ATG10: variants seen among roughly 807,000 people sequenced by gnomAD.
ATG10 encodes the protein autophagy related 10.
ATG10 carries 30 observed loss-of-function variants against 32.1 expected under a neutral mutation model. The ratio of observed to expected loss-of-function variants is 0.94; its 90% CI spans 0.70 to 1.27. The LOEUF is 1.27. ATG10 is among the 50% of genes most tolerant of loss of function. The pLI, the probability that ATG10 is intolerant of heterozygous loss-of-function variation, is 0.00. For missense variants in ATG10, 233 were observed against 262.3 expected (o/e 0.89, Z 0.77); for synonymous variants, 87 against 91.5 (o/e 0.95, Z 0.28).
chr5:82,182,937 G>T (rs1171664689), intron 5 of ATG10, among the ~76,000 whole-genome samples: 1 of 151,888 alleles, frequency 6.6e-6, no homozygotes, highest in Non-Finnish European at 1.5e-5. Context: ...AGAGATGGGG[G>T]TCTTACTATG....
At chr5:82,243,420 A>G (rs1471748035) in intron 5 of ATG10, among the ~76,000 whole-genome samples, 1 of 152,218 alleles carries the variant, frequency 6.6e-6, no homozygotes, top group Non-Finnish European at 1.5e-5. Flanking sequence ...AAATCCGTCT[A>G]TGTTCTTTTT....
At chr5:82,116,694 C>A (rs772545847) in intron 3 of ATG10, among the ~76,000 whole-genome samples, 3 of 152,184 alleles carry the variant, frequency 2.0e-5, no homozygotes, top group African/African-American at 7.2e-5. Flanking sequence ...CATCTGGCTA[C>A]GCCTCCCGAA....
rs140107167 is a variant in ATG10 at position 82,156,895 on chromosome 5, G to A, written c.217-7504G>A. Among the ~76,000 whole-genome samples the A allele has an allele frequency of 4.7e-3, 715 of 152,308 alleles. 4 individuals are homozygous for A. Among genetic ancestry groups the A allele is most frequent in the African/African-American group, 0.014 (564 of 41,568 alleles). Reference sequence around the variant, plus strand: ...GTGTTTTGTAGCATGGACTCTAAGAGATAGCCTCTTCCACAGTTCCACCTT... The same window carrying A: ...GTGTTTTGTAGCATGGACTCTAAGAAATAGCCTCTTCCACAGTTCCACCTT... On this transcript the variant is annotated intron_variant, in intron 3 of 7. Transcript: ENST00000282185.
intron 3 of ATG10, among the ~76,000 whole-genome samples, chr5:82,123,764 CA>C (rs1178883742): frequency 1.1e-3 from 60 of 56,782 alleles, no homozygotes; most frequent in Admixed American, 4.9e-3. Flanking sequence ...ACTGTCTGTA[CA>C]AAAAAAAAAA....
chr5:82,205,970 T>C (rs1581801822), intron 5 of ATG10, among the ~76,000 whole-genome samples: 1 of 152,150 alleles, frequency 6.6e-6, no homozygotes, highest in East Asian at 1.9e-4. Flanking sequence ...GAAAGAGAGC[T>C]ATAGAAAAAG....
intron 3 of ATG10, among the ~76,000 whole-genome samples, chr5:82,146,635 A>G (rs1232495945): frequency 1.3e-5 from 2 of 148,674 alleles, no homozygotes; most frequent in Admixed American, 1.3e-4. Flanking sequence ...TCTTATCTTC[A>G]GATTGGACGA....
intron 3 of ATG10, among the ~76,000 whole-genome samples, chr5:82,142,636 A>T (rs1767199973): frequency 6.6e-6 from 1 of 152,196 alleles, no homozygotes; most frequent in African/African-American, 2.4e-5. Context: ...CTGCATTGTC[A>T]TGTGCTAGAA....
intron 4 of ATG10, among the ~76,000 whole-genome samples, chr5:82,173,027 A>G (rs1325147049): frequency 1.3e-5 from 2 of 152,196 alleles, no homozygotes; most frequent in African/African-American, 2.4e-5. Flanking sequence ...GTTGAAGACA[A>G]TATATTGAAT....
chr5:82,021,538 A>T lies in ATG10; in HGVS notation c.108+33860A>T, dbSNP rs572840864. ...AATTGTTATACTGTATTGTTTAGGGAATAATGACAAGAAAAAAAGTCTGTA... is the reference window on the plus strand; with the variant it reads ...AATTGTTATACTGTATTGTTTAGGGTATAATGACAAGAAAAAAAGTCTGTA... On this transcript the variant is annotated intron_variant, in intron 2 of 7. Coordinates refer to ENST00000282185, the MANE Select transcript of ATG10 (RefSeq NM_031482.5). Among the ~76,000 whole-genome samples the T allele has an allele frequency of 2.2e-3, 341 of 152,350 alleles. 1 individual carries two copies. The highest frequency in any genetic ancestry group is 7.9e-3 in the African/African-American group (329 of 41,580).
At chr5:82,248,769 G>C (rs978274294) in intron 5 of ATG10, among the ~76,000 whole-genome samples, 3 of 151,912 alleles carry the variant, frequency 2.0e-5, no homozygotes, top group Admixed American at 6.6e-5. Flanking sequence ...AAGCTGATCA[G>C]CATATTATAG....
rs1747407154 is a variant in ATG10 at position 82,254,902 on chromosome 5, GTGTGTGTGTGTGTGTGTGTA to G, written c.*846_*865del. 1.2e-5 allele frequency: 1 copy of G among 85,436 alleles called. No homozygotes were observed. The highest frequency in any genetic ancestry group is 2.7e-4 in the South Asian group (1 of 3,674). 5.3% of individuals were successfully genotyped at this position (85,436 alleles called of 1,614,324 possible). A position where few individuals can be genotyped will look rare whatever the true frequency, so the allele number is the denominator to read the frequency against. ...AGAGAGAGAGAGAGTGAGTGTGAGT[GTGTGTGTGTGTGTGTGTGTA>G]TGTGTGGGTGTTTGTGTAGATAGTT... is the stretch of plus-strand genomic sequence containing the variant. On this transcript the variant is annotated 3_prime_UTR_variant, in exon 8 of 8. Coordinates refer to ENST00000282185, the MANE Select transcript of ATG10 (RefSeq NM_031482.5).
At chr5:82,049,200 A>G (rs1305794930) in intron 2 of ATG10, among the ~76,000 whole-genome samples, 6 of 151,836 alleles carry the variant, frequency 4.0e-5, no homozygotes, top group African/African-American at 7.3e-5. Flanking sequence ...CATATACACC[A>G]TGGAATACTA....
In ATG10 at chr5:82,216,102, A is replaced by T. The variant is rs143869358; in HGVS notation, c.454-36460A>T. 2.0e-5 allele frequency among the ~76,000 whole-genome samples: 3 copies of T among 152,336 alleles called. No homozygotes were observed. The East Asian group carries it at 5.8e-4, about 29-fold the overall frequency. ...GATAGAAATCAAATTGCCTTTCTGCAGAAAGATCCTCAACAATTGAAAAAC... is the reference window on the plus strand; with the variant it reads ...GATAGAAATCAAATTGCCTTTCTGCTGAAAGATCCTCAACAATTGAAAAAC... On this transcript the variant is annotated intron_variant, in intron 5 of 7. Coordinates refer to ENST00000282185, the MANE Select transcript of ATG10 (RefSeq NM_031482.5).
chr5:82,150,167 A>G (rs986702718), intron 3 of ATG10, among the ~76,000 whole-genome samples: 3 of 152,284 alleles, frequency 2.0e-5, no homozygotes, highest in African/African-American at 4.8e-5. Flanking sequence ...CATGAATGCA[A>G]TAAAGTAGCA....
At chr5:82,183,563 T>A (rs1744330781) in intron 5 of ATG10, among the ~76,000 whole-genome samples, 1 of 152,194 alleles carries the variant, frequency 6.6e-6, no homozygotes, top group Non-Finnish European at 1.5e-5. Context: ...TATGTCTGGT[T>A]ATCCCTCTTT....
intron 5 of ATG10, among the ~76,000 whole-genome samples, chr5:82,213,528 C>T (rs1451942796): frequency 6.6e-6 from 1 of 152,172 alleles, no homozygotes; most frequent in Non-Finnish European, 1.5e-5. Context: ...AATTGGAAAG[C>T]TTGTGTCAGC....
chr5:82,104,175 C>T (rs1207606711), intron 3 of ATG10, among the ~76,000 whole-genome samples: 3 of 152,012 alleles, frequency 2.0e-5, no homozygotes, highest in Non-Finnish European at 4.4e-5. Flanking sequence ...TTTTGGCGAA[C>T]ATCTGTACAT....
At chr5:82,226,607 C>T (rs1369745423) in intron 5 of ATG10, among the ~76,000 whole-genome samples, 1 of 152,132 alleles carries the variant, frequency 6.6e-6, no homozygotes, top group Non-Finnish European at 1.5e-5. Context: ...CTTGTATCAT[C>T]CTAATAAAAG....
chr5:82,088,870 G>A (rs10054882), intron 3 of ATG10, among the ~76,000 whole-genome samples: 62,291 of 152,024 alleles, frequency 0.41, 14,352 homozygotes, highest in East Asian at 0.78. Context: ...AAATTAGATA[G>A]ACGGATTTAA....
Sources: gnomAD v4.1 joint callset for allele counts (sites outside exome capture counted in the v4.1 genomes callset) on GRCh38, gnomAD v4.1.1 for gene constraint, MANE v1.5 for transcripts, NCBI Gene and HGNC (gene_info 2026-07-23, HGNC 2026-07-21) for gene names.